Variants in TOM1L1 observed in about 807,000 individuals in gnomAD.
TOM1L1 encodes the protein TOM1-like protein 1.
In TOM1L1, 64 loss-of-function variants were observed where a neutral mutation model predicts 63.4. The ratio of observed to expected loss-of-function variants is 1.01; its 90% CI spans 0.83 to 1.24. The LOEUF (loss-of-function observed/expected upper bound fraction) is 1.24, where lower values mean the gene tolerates loss of function less well. TOM1L1 is among the 50% of genes most tolerant of loss of function. The pLI is 0.00. For synonymous variants in TOM1L1, 166 were observed against 194.4 expected (o/e 0.85, Z 1.22); for missense variants, 536 against 567.0 (o/e 0.95, Z 0.55).
chr17:54,912,529 A>G (rs868770836), intron 3 of TOM1L1, 137 bp from the exon 4 acceptor site: 1 of 700,292 alleles, frequency 1.4e-6, no homozygotes, highest in Non-Finnish European at 2.2e-6. Flanking sequence ...ACATTTTGCC[A>G]TATATTTTAG....
chr17:54,905,894 G>A (rs2048400411), intron 3 of TOM1L1, among the ~76,000 whole-genome samples: 1 of 152,202 alleles, frequency 6.6e-6, no homozygotes, highest in Non-Finnish European at 1.5e-5. Flanking sequence ...TAGTGGCTGG[G>A]TGTGGTGGCT....
At position 54,961,871 on chromosome 17, in the gene TOM1L1, C is replaced by T. The variant is rs2077133236; in HGVS notation, c.*638C>T. ...GCCTTTTTTTCTCTTTTTACTGCAA[C>T]TTAATATTTCTATTTAGAACACAGA... On this transcript the variant is annotated 3_prime_UTR_variant, in exon 16 of 16. Transcript: ENST00000575882. The T allele has an allele frequency of 5.4e-6, 5 of 933,264 alleles. No individual in the cohort carries two copies. Among genetic ancestry groups the T allele is most frequent in the Non-Finnish European group, 6.4e-6 (5 of 782,438 alleles). The allele number at this position is 933,264 out of a possible 1,614,324, so 57.8% of individuals were successfully genotyped here. A position where few individuals can be genotyped will look rare whatever the true frequency, so the allele number is the denominator to read the frequency against.
intron 14 of TOM1L1, chr17:54,954,460 AAAG>A (rs2049390883): frequency 6.6e-6 from 1 of 152,264 alleles, no homozygotes; most frequent in African/African-American, 2.4e-5. Context: ...GCTCCCTGGC[AAAG>A]AAGAGTGCAA....
chr17:54,912,259 C>A (rs1217722878), intron 3 of TOM1L1, among the ~76,000 whole-genome samples: 1 of 152,114 alleles, frequency 6.6e-6, no homozygotes, highest in Admixed American at 6.6e-5. Flanking sequence ...TCATCCAAAC[C>A]AGGACATTTT....
At chr17:54,939,750 A>G (rs1045686956) in intron 11 of TOM1L1, among the ~76,000 whole-genome samples, 1 of 151,978 alleles carries the variant, frequency 6.6e-6, no homozygotes, top group Admixed American at 6.6e-5. Flanking sequence ...TTTTGTAGAG[A>G]TGGGGTCTCG....
intron 1 of TOM1L1, among the ~76,000 whole-genome samples, chr17:54,902,428 T>C (rs1247350122): frequency 1.3e-5 from 2 of 152,204 alleles, no homozygotes; most frequent in East Asian, 1.9e-4. Context: ...TAGCTGGGAC[T>C]ACAGGCACAT....
chr17:54,954,544 G>C (rs1313308896), intron 14 of TOM1L1: 1 of 152,252 alleles, frequency 6.6e-6, no homozygotes, highest in African/African-American at 2.4e-5. Flanking sequence ...GGCAAATACA[G>C]AACGGGCCCT....
chr17:54,936,464 TTTCTC>T (rs1478295370), intron 8 of TOM1L1, 180 bp from the exon 9 acceptor site: 1 of 473,956 alleles, frequency 2.1e-6, no homozygotes, highest in African/African-American at 2.0e-5. Flanking sequence ...TTCTCACAGT[TTTCTC>T]TGAGGGTATG....
intron 11 of TOM1L1, among the ~76,000 whole-genome samples, chr17:54,944,046 C>T (rs1209507089): frequency 6.6e-6 from 1 of 151,932 alleles, no homozygotes; most frequent in African/African-American, 2.4e-5. Context: ...TATAGATTCC[C>T]CTTTTCTATA....
chr17:54,924,582 G>A (rs1454983966), intron 7 of TOM1L1, among the ~76,000 whole-genome samples: 3 of 152,058 alleles, frequency 2.0e-5, no homozygotes, highest in Non-Finnish European at 4.4e-5. Flanking sequence ...ATTAGCCACC[G>A]TCCTATCACA....
At chr17:54,906,679 A>G in intron 3 of TOM1L1, 1 of 804,230 alleles carries the variant, frequency 1.2e-6, no homozygotes, top group Non-Finnish European at 1.5e-6. Flanking sequence ...TGTTGGTTTA[A>G]GCAATTCTCC....
chr17:54,922,036 T>C (rs2048692448), intron 7 of TOM1L1, among the ~76,000 whole-genome samples: 1 of 152,160 alleles, frequency 6.6e-6, no homozygotes, highest in African/African-American at 2.4e-5. Flanking sequence ...CTTATGCCTG[T>C]AATCCCAGCA....
chr17:54,931,077 C>T (rs559544773), intron 8 of TOM1L1, among the ~76,000 whole-genome samples: 41 of 151,990 alleles, frequency 2.7e-4, no homozygotes, highest in African/African-American at 9.2e-4. Context: ...TTAAGACACC[C>T]TTAGGGGCAG....
chr17:54,930,701 G>T (rs190911320), intron 8 of TOM1L1, among the ~76,000 whole-genome samples: 1 of 152,146 alleles, frequency 6.6e-6, no homozygotes, highest in African/African-American at 2.4e-5. Context: ...AATTAGCTGG[G>T]CATGGTCGCG....
At chr17:54,933,796 T>C (rs1445763152) in intron 8 of TOM1L1, among the ~76,000 whole-genome samples, 3 of 152,168 alleles carry the variant, frequency 2.0e-5, no homozygotes, top group Non-Finnish European at 4.4e-5. Flanking sequence ...GCTGGAATTA[T>C]AGGCGTGAGC....
intron 7 of TOM1L1, chr17:54,916,521 A>T (rs886277971): frequency 6.6e-6 from 1 of 152,136 alleles, no homozygotes. Flanking sequence ...TTGCTCTTCT[A>T]ATTATTTTAA....
chr17:54,936,807 A>T, intron 9 of TOM1L1, 98 bp downstream of exon 9: 1 of 1,021,958 alleles, frequency 9.8e-7, no homozygotes, highest in African/African-American at 1.6e-5. Context: ...AAAGAGGAAG[A>T]TATGCATTCA....
chr17:54,914,370 TAAA>T (rs35044232), intron 5 of TOM1L1, among the ~76,000 whole-genome samples: 1,557 of 144,426 alleles, frequency 0.011, 18 homozygotes, highest in Middle Eastern at 0.036. Flanking sequence ...GACCCTTGGT[TAAA>T]AAAAAAAAAA....
At chr17:54,938,886 A>G in intron 10 of TOM1L1, 38 bp from the exon 11 acceptor site, 1 of 1,313,198 alleles carries the variant, frequency 7.6e-7, no homozygotes, top group South Asian at 1.4e-5. Flanking sequence ...TGACTGACAA[A>G]ATGTTTTAAA....
Sources: allele counts gnomAD v4.1 joint callset (sites outside exome capture counted in the v4.1 genomes callset), GRCh38; gene constraint gnomAD v4.1.1; transcripts MANE v1.5; gene names NCBI Gene and HGNC (gene_info 2026-07-23, HGNC 2026-07-21).